The following UBXN7 variants were observed in gnomAD, a reference collection of about 807,000 sequenced individuals.
The protein encoded by UBXN7 is UBX domain-containing protein 7.
In UBXN7, 9 loss-of-function variants were observed where a neutral mutation model predicts 58.0. The observed-to-expected ratio is 0.16, with a 90% CI of 0.09 to 0.27. The LOEUF is 0.27. UBXN7 is among the 10% of genes least tolerant of loss of function. UBXN7 has a pLI of 1.00. For missense variants in UBXN7, 328 were observed against 599.6 expected (o/e 0.55, Z 4.73); for synonymous variants, 208 against 205.0 (o/e 1.01, Z -0.12).
At chr3:196,385,213 G>A (rs767219459) in intron 5 of UBXN7, among the ~76,000 whole-genome samples, 5 of 152,178 alleles carry the variant, frequency 3.3e-5, no homozygotes, top group Non-Finnish European at 7.3e-5. Flanking sequence ...CGTGTTGGCC[G>A]GGCTGGTCTC....
At position 196,406,332 on chromosome 3, in the gene UBXN7, C is replaced by CT. The variant is rs1042186089; in HGVS notation, c.221+913dup. 8.6e-5 allele frequency among the ~76,000 whole-genome samples: 13 copies of CT among 151,214 alleles called. 1 individual carries two copies. The East Asian group carries it at 1.7e-3, about 20-fold the overall frequency. The stretch of plus-strand genomic sequence containing the variant: ...ACAGGCATGAGCCACCATGCCTGGA[C>CT]TTTTTTTTTAAATATTAAGGTTTTC... On this transcript the variant is annotated intron_variant, in intron 2 of 10. Coordinates refer to ENST00000296328, the MANE Select transcript of UBXN7 (RefSeq NM_015562.2).
At chr3:196,370,388 G>A (rs1728790065) in intron 6 of UBXN7, among the ~76,000 whole-genome samples, 1 of 151,226 alleles carries the variant, frequency 6.6e-6, no homozygotes, top group African/African-American at 2.4e-5. Flanking sequence ...AGGGGTTAGA[G>A]CCTGCAGTGA....
chr3:196,403,385 C>T (rs1012504988), intron 2 of UBXN7, among the ~76,000 whole-genome samples: 20 of 152,156 alleles, frequency 1.3e-4, no homozygotes, highest in African/African-American at 4.8e-4. Context: ...TGGTCTCAAA[C>T]TCTTGAGCTC....
Position 196,362,479 on chromosome 3 carries a change from C to G in UBXN7, c.1043G>C (p.Arg348Thr). The stretch of plus-strand genomic sequence containing the variant: ...CCCCAAATCTTTGTGGGGAGACTTT[C>G]TGGACTTGGCAAGATTCTCTACCTC... ...EEEVENLAKS[R>T]KSPHKDLGHR... The change falls in exon 9 of 11, where the codon AGA becomes ACA. Residue 348 changes from arginine (R) to threonine (T), a missense_variant. Arg to Thr is a moderately conservative substitution (Grantham distance 71, BLOSUM62 -1). Around this residue, in one of 4 missense-constraint regions of UBXN7, gnomAD observed 66 missense variants for 77.9 expected, o/e 0.85. Coordinates refer to ENST00000296328, the MANE Select transcript of UBXN7 (RefSeq NM_015562.2). 1.2e-6 allele frequency: 2 copies of G among 1,614,144 alleles called. No homozygotes were observed. Among genetic ancestry groups the G allele is most frequent in the South Asian group, 2.2e-5 (2 of 91,080 alleles).
rs954778310 is a variant in UBXN7, at chr3:196,356,537, A to AG, written c.*147dup. 1.3e-6 allele frequency: 1 copy of AG among 798,306 alleles called. No homozygotes were observed. Among genetic ancestry groups the AG allele is most frequent in the African/African-American group, 1.8e-5 (1 of 56,250 alleles). 49.5% of individuals were successfully genotyped at this position (798,306 alleles called of 1,614,324 possible). ...AAAGGGGGAGAAAGAGACTGATTAT[A>AG]GGAGAGATCAAGAAATAAGAGAAGG... On this transcript the variant is annotated 3_prime_UTR_variant, in exon 11 of 11. Transcript: ENST00000296328.
chr3:196,429,243 T>C (rs1318266138), intron 1 of UBXN7, among the ~76,000 whole-genome samples: 1 of 151,034 alleles, frequency 6.6e-6, no homozygotes, highest in African/African-American at 2.4e-5. Flanking sequence ...ACGAGAATGG[T>C]GTGAACCTGG....
At chr3:196,410,362 T>C (rs956023318) in intron 1 of UBXN7, among the ~76,000 whole-genome samples, 5 of 152,208 alleles carry the variant, frequency 3.3e-5, no homozygotes, top group Non-Finnish European at 7.3e-5. Context: ...CTACTCTTAA[T>C]GTCTCTCATT....
intron 10 of UBXN7, among the ~76,000 whole-genome samples, chr3:196,359,230 G>A (rs1178804493): frequency 6.6e-6 from 1 of 152,062 alleles, no homozygotes; most frequent in East Asian, 1.9e-4. Context: ...TACCTTTGAT[G>A]TTACTATTCT....
At chr3:196,369,163 A>G (rs1033580856) in intron 7 of UBXN7, among the ~76,000 whole-genome samples, 1 of 152,204 alleles carries the variant, frequency 6.6e-6, no homozygotes, top group Non-Finnish European at 1.5e-5. Context: ...AAAAGGTAAG[A>G]TGAACATATC....
At chr3:196,430,821 T>G (rs1271085965) in intron 1 of UBXN7, among the ~76,000 whole-genome samples, 1 of 152,216 alleles carries the variant, frequency 6.6e-6, no homozygotes, top group African/African-American at 2.4e-5. Context: ...CACAATAATC[T>G]TCTCCATAGC....
rs780788392 is a variant in UBXN7 at position 196,401,274 on chromosome 3, AATATATAT to A, written c.289+1670_289+1677del. ...AAAAAAAAAAAAAAAAAAAAAAAAAAATATATATATATATATATATATATACACACACA... is the reference window on the plus strand; with the variant it reads ...AAAAAAAAAAAAAAAAAAAAAAAAAAATATATATATATATATACACACACA... On this transcript the variant is annotated intron_variant, in intron 3 of 10. Transcript: ENST00000296328. 4.3e-3 allele frequency among the ~76,000 whole-genome samples: 157 copies of A among 36,844 alleles called. 4 individuals are homozygous for A. The highest frequency in any genetic ancestry group is 0.014 in the African/African-American group (109 of 7,586). The allele number at this position is 36,844 out of a possible 152,430, so 24.2% of individuals were successfully genotyped here. A position where few individuals can be genotyped will look rare whatever the true frequency, so the allele number is the denominator to read the frequency against.
rs1728133397 is a variant in UBXN7, at chr3:196,348,357, G to A, written c.*8328C>T. On this transcript the variant is annotated 3_prime_UTR_variant, in exon 11 of 11. Coordinates refer to ENST00000296328, the MANE Select transcript of UBXN7 (RefSeq NM_015562.2). ...TATCTCCTAGCACCATTGGAGAAAA[G>A]GCCCAGAAAACAGAATTCGATGTGC... 6.6e-6 allele frequency: 1 copy of A among 152,052 alleles called. No individual in the cohort carries two copies. Among genetic ancestry groups the A allele is most frequent in the African/African-American group, 2.4e-5 (1 of 41,384 alleles). 9.4% of individuals were successfully genotyped at this position (152,052 alleles called of 1,614,324 possible).
Position 196,356,597 on chromosome 3 carries a change from T to C in UBXN7, c.*88A>G. The C allele has an allele frequency of 1.4e-6, 2 of 1,466,404 alleles. No individual in the cohort carries two copies. The highest frequency in any genetic ancestry group is 1.8e-6 in the Non-Finnish European group (2 of 1,099,122). The allele number at this position is 1,466,404 out of a possible 1,614,324, so 90.8% of individuals were successfully genotyped here. A position where few individuals can be genotyped will look rare whatever the true frequency, so the allele number is the denominator to read the frequency against. On this transcript the variant is annotated 3_prime_UTR_variant, in exon 11 of 11. Coordinates refer to ENST00000296328, the MANE Select transcript of UBXN7 (RefSeq NM_015562.2). ...TGCTTGCCCAACTTTGGCTCTGTGG[T>C]CCTATGAGCCAAAATGCATACTTAG...
chr3:196,395,923 G>A (rs1729754883), intron 3 of UBXN7, among the ~76,000 whole-genome samples: 1 of 151,962 alleles, frequency 6.6e-6, no homozygotes, highest in African/African-American at 2.4e-5. Flanking sequence ...GTGCCACCAC[G>A]CCCAGCCAAT....
intron 5 of UBXN7, among the ~76,000 whole-genome samples, chr3:196,373,724 T>C (rs968614083): frequency 1.3e-5 from 2 of 152,128 alleles, no homozygotes; most frequent in Non-Finnish European, 2.9e-5. Flanking sequence ...CTTTTTTTGT[T>C]GTTTATATTT....
At chr3:196,395,144 T>C (rs1729730129) in intron 3 of UBXN7, among the ~76,000 whole-genome samples, 1 of 152,196 alleles carries the variant, frequency 6.6e-6, no homozygotes, top group African/African-American at 2.4e-5. Flanking sequence ...AGAATAATTA[T>C]CTGTTAATAA....
chr3:196,394,876 T>C (rs1331872735), intron 3 of UBXN7, among the ~76,000 whole-genome samples: 2 of 152,208 alleles, frequency 1.3e-5, no homozygotes, highest in Non-Finnish European at 2.9e-5. Flanking sequence ...AATGGTTTAA[T>C]GACAGAAAAG....
chr3:196,426,541 T>C (rs1730853364), intron 1 of UBXN7, among the ~76,000 whole-genome samples: 1 of 151,722 alleles, frequency 6.6e-6, no homozygotes, highest in Admixed American at 6.6e-5. Flanking sequence ...AGAAAGGAAA[T>C]GTTCTGTACA....
chr3:196,362,679 A>G lies in UBXN7; in HGVS notation c.843T>C (p.Leu281=). The G allele has an allele frequency of 6.2e-7, 1 of 1,605,320 alleles. No homozygotes were observed. The highest frequency in any genetic ancestry group is 1.1e-5 in the South Asian group (1 of 90,740). Residue 281 remains leucine, a synonymous_variant, in exon 9 of 11, where the codon CTT becomes CTC. Coordinates refer to ENST00000296328, the MANE Select transcript of UBXN7 (RefSeq NM_015562.2). ...GCTGGCTGTCTTCACTTGCATCTATAAGGCTCTCCTGTGAGATGGAGTCAT... is the reference window on the plus strand; with the variant it reads ...GCTGGCTGTCTTCACTTGCATCTATGAGGCTCTCCTGTGAGATGGAGTCAT... ...PPKKCARSES[L]IDASEDSQLE...
Sources: gnomAD v4.1 joint callset for allele counts (sites outside exome capture counted in the v4.1 genomes callset) on GRCh38, gnomAD v4.1.1 for gene constraint, gnomAD v4.1.1 regional missense constraint, MANE v1.5 for transcripts, NCBI Gene and HGNC (gene_info 2026-07-23, HGNC 2026-07-21) for gene names.